CSMD1: variants seen among roughly 807,000 people sequenced by gnomAD.
The protein encoded by CSMD1 is CUB and Sushi multiple domains 1.
Under a neutral mutation model 417.5 loss-of-function variants are expected in CSMD1, and 213 were observed. The ratio of observed to expected loss-of-function variants is 0.51; its 90% CI spans 0.46 to 0.57. The LOEUF (loss-of-function observed/expected upper bound fraction) is 0.57, where lower values mean the gene tolerates loss of function less well. Ranked by LOEUF, CSMD1 falls within the 20% of genes least tolerant of loss-of-function variation. The probability of loss-of-function intolerance (pLI) is 0.00; values close to 1 mark genes in which losing one functional copy is unlikely to be tolerated. For missense variants in CSMD1, 6,923 were observed against 4,529.7 expected, an observed-to-expected ratio of 1.53 and a Z score of -15.17; for synonymous variants, 2,862 against 1,736.8, an observed-to-expected ratio of 1.65 and a Z score of -16.11.
intron 3 of CSMD1, among the ~76,000 whole-genome samples, chr8:4,244,841 C>T (rs1224795168): frequency 6.6e-6 from 1 of 152,116 alleles, no homozygotes; most frequent in Non-Finnish European, 1.5e-5. Context: ...TGACCTCCTT[C>T]TGGTGTCATT....
At chr8:4,744,197 T>A (rs531178469) in intron 1 of CSMD1, among the ~76,000 whole-genome samples, 88 of 152,304 alleles carry the variant, frequency 5.8e-4, no homozygotes, top group African/African-American at 1.9e-3. Context: ...AGGGACTGAC[T>A]GACGGTCACC....
chr8:4,605,735 G>C (rs964071885), intron 2 of CSMD1, among the ~76,000 whole-genome samples: 2 of 152,176 alleles, frequency 1.3e-5, no homozygotes, highest in African/African-American at 2.4e-5. Context: ...TCCACGATCT[G>C]TGACTTGTAA....
intron 1 of CSMD1, among the ~76,000 whole-genome samples, chr8:4,720,370 A>G (rs1403766181): frequency 6.6e-6 from 1 of 152,120 alleles, no homozygotes; most frequent in African/African-American, 2.4e-5. Flanking sequence ...GGAAAATATG[A>G]CAAACTATAT....
rs1370671774 is a variant in CSMD1 at position 4,803,818 on chromosome 8, G to A, written c.86-166260C>T. 2.0e-5 allele frequency among the ~76,000 whole-genome samples: 3 copies of A among 152,074 alleles called. No homozygotes were observed. The East Asian group carries it at 5.8e-4, about 29-fold the overall frequency. On this transcript the variant is annotated intron_variant, in intron 1 of 69. Transcript: ENST00000635120. ...TTGGTGCTCTACATTTGAGCTCATA[G>A]AATATCCTTGACACAGTAATTATGT...
chr8:4,742,234 G>C (rs1036567758), intron 1 of CSMD1, among the ~76,000 whole-genome samples: 1 of 150,980 alleles, frequency 6.6e-6, no homozygotes, highest in South Asian at 2.1e-4. Context: ...GTTTCACCTT[G>C]TTAGCCAGGA....
chr8:4,177,434 T>A (rs190088737), intron 3 of CSMD1, among the ~76,000 whole-genome samples: 88 of 149,176 alleles, frequency 5.9e-4, no homozygotes, highest in Middle Eastern at 3.4e-3. Flanking sequence ...CAAAGCAGTG[T>A]GTAGAGGGAA....
intron 25 of CSMD1, among the ~76,000 whole-genome samples, chr8:3,287,608 G>C (rs569306112): frequency 6.6e-6 from 1 of 152,122 alleles, no homozygotes; most frequent in African/African-American, 2.4e-5. Context: ...CTGTTTGTCT[G>C]TTATTGGCAT....
At chr8:3,281,846 T>A (rs10094873) in intron 26 of CSMD1, among the ~76,000 whole-genome samples, 1 of 152,030 alleles carries the variant, frequency 6.6e-6, no homozygotes, top group African/African-American at 2.4e-5. Context: ...CCTGGAGGGG[T>A]TGATTGGATC....
intron 3 of CSMD1, among the ~76,000 whole-genome samples, chr8:4,266,445 T>C (rs1585125458): frequency 9.5e-6 from 1 of 104,932 alleles, no homozygotes; most frequent in Admixed American, 9.0e-5. Flanking sequence ...TTAGGTTATA[T>C]TGATGATTGG....
intron 3 of CSMD1, among the ~76,000 whole-genome samples, chr8:4,414,209 T>A (rs555398034): frequency 6.6e-6 from 1 of 152,084 alleles, no homozygotes; most frequent in African/African-American, 2.4e-5. Flanking sequence ...GATCCACAGG[T>A]GTTAAAGAAA....
chr8:4,142,718 C>A (rs1803865145), intron 3 of CSMD1, among the ~76,000 whole-genome samples: 1 of 151,014 alleles, frequency 6.6e-6, no homozygotes, highest in African/African-American at 2.5e-5. Flanking sequence ...TTCCTAGAGG[C>A]CAGACCTGAC....
chr8:3,610,865 T>C (rs1371202370), intron 8 of CSMD1, among the ~76,000 whole-genome samples: 1 of 152,076 alleles, frequency 6.6e-6, no homozygotes, highest in Non-Finnish European at 1.5e-5. Context: ...TTATGTGCCT[T>C]CTTCACTGAG....
At chr8:4,605,375 G>GT (rs1179351730) in intron 2 of CSMD1, among the ~76,000 whole-genome samples, 1 of 152,162 alleles carries the variant, frequency 6.6e-6, no homozygotes, top group African/African-American at 2.4e-5. Context: ...GTTGAGTCCT[G>GT]TAAACCTAAT....
At position 4,459,859 on chromosome 8, in the gene CSMD1, C is replaced by T. The variant is rs147728315; in HGVS notation, c.303-39794G>A. On this transcript the variant is annotated intron_variant, in intron 2 of 69. Coordinates refer to ENST00000635120, the MANE Select transcript of CSMD1 (RefSeq NM_033225.6). ...CTAGATAACTAAAGCATGCCCCTAC[C>T]AGAGCCTCAAAATATATAAAACAGA... 2.4e-4 allele frequency among the ~76,000 whole-genome samples: 37 copies of T among 152,272 alleles called. No homozygotes were observed. The East Asian group carries it at 6.0e-3, about 25-fold the overall frequency.
At chr8:3,725,365 A>C (rs1011695310) in intron 6 of CSMD1, among the ~76,000 whole-genome samples, 1 of 152,230 alleles carries the variant, frequency 6.6e-6, no homozygotes, top group Non-Finnish European at 1.5e-5. Flanking sequence ...ACAATGACAA[A>C]GAACCTGGAT....
At chr8:3,173,346 T>G (rs74341679) in intron 37 of CSMD1, among the ~76,000 whole-genome samples, 2,969 of 152,250 alleles carry the variant, frequency 0.02, 103 homozygotes, top group African/African-American at 0.068. Context: ...GAAGCCAGAA[T>G]TTACATTGTT....
At chr8:4,923,745 C>T (rs951379712) in intron 1 of CSMD1, among the ~76,000 whole-genome samples, 4 of 152,068 alleles carry the variant, frequency 2.6e-5, no homozygotes, top group Non-Finnish European at 4.4e-5. Flanking sequence ...ACCAAGGAAC[C>T]TTGGAAAGGT....
chr8:3,548,731 T>G (rs1798784161), intron 10 of CSMD1, among the ~76,000 whole-genome samples: 1 of 150,160 alleles, frequency 6.7e-6, no homozygotes. Flanking sequence ...CATTGATTGA[T>G]AGGAATTTGG....
At chr8:3,607,322 T>A (rs753735728) in intron 8 of CSMD1, among the ~76,000 whole-genome samples, 16 of 152,166 alleles carry the variant, frequency 1.1e-4, no homozygotes, top group Non-Finnish European at 1.9e-4. Context: ...CACAATTCCT[T>A]CTTCTGGATA....
Sources: allele counts gnomAD v4.1 joint callset (sites outside exome capture counted in the v4.1 genomes callset), GRCh38; gene constraint gnomAD v4.1.1; transcripts MANE v1.5; gene names NCBI Gene and HGNC (gene_info 2026-07-23, HGNC 2026-07-21).